The following CPNE4 variants were observed in gnomAD, a reference collection of about 807,000 sequenced individuals.
CPNE4 encodes copine 4.
In CPNE4, 25 loss-of-function variants were observed where a neutral mutation model predicts 67.9. The ratio of observed to expected loss-of-function variants is 0.37; its 90% CI spans 0.27 to 0.51. CPNE4 has a LOEUF of 0.51. Ranked by LOEUF, CPNE4 falls within the 20% of genes least tolerant of loss-of-function variation. The pLI, the probability that CPNE4 is intolerant of heterozygous loss-of-function variation, is 0.93. For missense variants in CPNE4, 464 were observed against 690.8 expected (o/e 0.67, Z 3.68); for synonymous variants, 242 against 244.9 (o/e 0.99, Z 0.11).
chr3:131,725,834 G>C (rs1005821234), intron 2 of CPNE4, among the ~76,000 whole-genome samples: 7 of 152,038 alleles, frequency 4.6e-5, no homozygotes, highest in African/African-American at 1.7e-4. Flanking sequence ...TTTCTTCATG[G>C]CAACAATTGG....
intron 1 of CPNE4, among the ~76,000 whole-genome samples, chr3:132,024,263 T>C (rs1458662398): frequency 6.6e-6 from 1 of 152,030 alleles, no homozygotes; most frequent in Non-Finnish European, 1.5e-5. Flanking sequence ...TTTGTATTTT[T>C]AGTAGAGATG....
At chr3:131,659,870 T>G (rs2080079943) in intron 7 of CPNE4, among the ~76,000 whole-genome samples, 1 of 152,180 alleles carries the variant, frequency 6.6e-6, no homozygotes, top group South Asian at 2.1e-4. Context: ...TAGGCAGGCA[T>G]TAAATACTCT....
intron 1 of CPNE4, among the ~76,000 whole-genome samples, chr3:132,010,618 T>G (rs1406105500): frequency 6.6e-6 from 1 of 152,082 alleles, no homozygotes; most frequent in African/African-American, 2.4e-5. Context: ...ATAACCCCAG[T>G]GATGGCCCGG....
intron 15 of CPNE4, among the ~76,000 whole-genome samples, chr3:131,539,766 T>A (rs1464888007): frequency 2.0e-5 from 3 of 151,940 alleles, no homozygotes; most frequent in African/African-American, 7.3e-5. Flanking sequence ...TCCTAGAGAG[T>A]GAACTCTTTG....
At chr3:131,641,591 G>A (rs748326756) in intron 7 of CPNE4, among the ~76,000 whole-genome samples, 10 of 152,174 alleles carry the variant, frequency 6.6e-5, no homozygotes, top group Non-Finnish European at 1.2e-4. Context: ...CAATCACTCT[G>A]GAAAACGGTG....
chr3:131,740,496 T>C (rs2036999), intron 2 of CPNE4, among the ~76,000 whole-genome samples: 84,973 of 151,912 alleles, frequency 0.56, 24,595 homozygotes, highest in Non-Finnish European at 0.63. Flanking sequence ...AAATGCATCC[T>C]TTCCTCACAT....
chr3:131,932,852 T>C (rs1472851987), intron 1 of CPNE4, among the ~76,000 whole-genome samples: 3 of 152,106 alleles, frequency 2.0e-5, no homozygotes, highest in Admixed American at 6.6e-5. Context: ...ATACCATCTC[T>C]ACTAAGAATA....
chr3:131,765,230 A>ATC (rs1318912298), intron 2 of CPNE4, among the ~76,000 whole-genome samples: 1 of 152,116 alleles, frequency 6.6e-6, no homozygotes, highest in African/African-American at 2.4e-5. Flanking sequence ...GGGAACTGAA[A>ATC]ATATCATGCT....
chr3:131,590,989 T>C (rs1376136920), intron 7 of CPNE4, among the ~76,000 whole-genome samples: 1 of 152,194 alleles, frequency 6.6e-6, no homozygotes, highest in African/African-American at 2.4e-5. Context: ...GATTCAGTAA[T>C]TTGGAAAATC....
chr3:131,625,762 A>C (rs73001211), intron 7 of CPNE4, among the ~76,000 whole-genome samples: 42,153 of 152,118 alleles, frequency 0.28, 9,670 homozygotes, highest in African/African-American at 0.63. Flanking sequence ...GAGATTGCCA[A>C]AAACAATCAA....
At chr3:131,967,639 T>C (rs2072389441) in intron 1 of CPNE4, among the ~76,000 whole-genome samples, 1 of 151,764 alleles carries the variant, frequency 6.6e-6, no homozygotes, top group Admixed American at 6.6e-5. Context: ...ACAAATAAAA[T>C]AAAATACCTA....
intron 2 of CPNE4, among the ~76,000 whole-genome samples, chr3:131,886,539 C>A (rs2087901163): frequency 6.6e-6 from 1 of 151,908 alleles, no homozygotes; most frequent in Non-Finnish European, 1.5e-5. Context: ...GTCCTCCAGA[C>A]CCCAGAATGG....
At chr3:131,730,059 GT>G (rs1444278632) in intron 2 of CPNE4, among the ~76,000 whole-genome samples, 1 of 152,100 alleles carries the variant, frequency 6.6e-6, no homozygotes, top group Non-Finnish European at 1.5e-5. Flanking sequence ...TTTGAAATTG[GT>G]ATGTGTGTTT....
intron 1 of CPNE4, among the ~76,000 whole-genome samples, chr3:131,906,439 G>A (rs1453474903): frequency 8.2e-6 from 1 of 121,814 alleles, no homozygotes; most frequent in East Asian, 2.4e-4. Context: ...AGAGTATGAT[G>A]TTGCCCTTCC....
chr3:131,868,301 C>A (rs1396252462), intron 2 of CPNE4, among the ~76,000 whole-genome samples: 1 of 152,146 alleles, frequency 6.6e-6, no homozygotes, highest in Non-Finnish European at 1.5e-5. Context: ...AGCACCGTTA[C>A]AATTTTCAGA....
intron 6 of CPNE4, among the ~76,000 whole-genome samples, chr3:131,673,713 TAG>T (rs1165765931): frequency 6.6e-6 from 1 of 152,170 alleles, no homozygotes; most frequent in Non-Finnish European, 1.5e-5. Flanking sequence ...AGTTTTCTTG[TAG>T]AGTCTTTAGG....
intron 2 of CPNE4, among the ~76,000 whole-genome samples, chr3:131,789,566 G>A (rs1040441017): frequency 6.6e-6 from 1 of 152,094 alleles, no homozygotes; most frequent in Non-Finnish European, 1.5e-5. Context: ...GGTTTTAGGA[G>A]GATTATGCAG....
rs74983784 is a variant in CPNE4 at position 131,866,613 on chromosome 3, T to C, written c.180+38651A>G. Among the ~76,000 whole-genome samples the C allele has an allele frequency of 4.9e-3, 741 of 152,316 alleles. 9 individuals are homozygous for C. In the South Asian group the frequency reaches 0.05, roughly 10 times the overall value. On this transcript the variant is annotated intron_variant, in intron 2 of 15. Coordinates refer to ENST00000429747, the MANE Select transcript of CPNE4 (RefSeq NM_130808.3). Reference sequence around the variant, plus strand: ...TTTTACAGCTGAATACTACTGCCTCTCTCTCATATGCCCTCAATGCAGAAT... The same window carrying C: ...TTTTACAGCTGAATACTACTGCCTCCCTCTCATATGCCCTCAATGCAGAAT...
chr3:131,990,381 A>C (rs1246820614), intron 1 of CPNE4, among the ~76,000 whole-genome samples: 2 of 135,952 alleles, frequency 1.5e-5, no homozygotes, highest in Non-Finnish European at 1.7e-5. Flanking sequence ...AGTCTAAACA[A>C]CTATTGTTAT....
Sources: allele counts gnomAD v4.1 joint callset (sites outside exome capture counted in the v4.1 genomes callset), GRCh38; gene constraint gnomAD v4.1.1; transcripts MANE v1.5; gene names NCBI Gene and HGNC (gene_info 2026-07-23, HGNC 2026-07-21).